Variants in AACS observed in about 807,000 individuals in gnomAD.
AACS encodes the protein acetoacetate-CoA ligase.
A neutral mutation model predicts 83.1 loss-of-function variants in AACS; 69 were observed. The observed-to-expected ratio is 0.83, with a 90% confidence interval of 0.68 to 1.01. The LOEUF is 1.01. Ranked by LOEUF, AACS falls within the 50% of genes least tolerant of loss-of-function variation. The probability of loss-of-function intolerance (pLI) is 0.00; values close to 1 mark genes in which losing one functional copy is unlikely to be tolerated. For missense variants in AACS, 866 were observed against 882.2 expected (o/e 0.98, Z 0.23); for synonymous variants, 333 against 343.4 (o/e 0.97, Z 0.33).
At chr12:125,077,277 A>G (rs973304563) in intron 3 of AACS, among the ~76,000 whole-genome samples, 1 of 151,846 alleles carries the variant, frequency 6.6e-6, no homozygotes. Context: ...TTGGGAGGCC[A>G]AGGTGGGCGG....
chr12:125,072,927 T>G (rs909911544), intron 1 of AACS, among the ~76,000 whole-genome samples: 51 of 139,248 alleles, frequency 3.7e-4, no homozygotes, highest in South Asian at 3.2e-3. Context: ...TTGTTTTTTT[T>G]TTTTTTTTTT....
At chr12:125,104,735 G>A (rs1956795487) in intron 7 of AACS, among the ~76,000 whole-genome samples, 1 of 152,236 alleles carries the variant, frequency 6.6e-6, no homozygotes, top group African/African-American at 2.4e-5. Flanking sequence ...GTGTGACCCT[G>A]TGCCAGTAAC....
chr12:125,106,020 T>C (rs1956826495), intron 7 of AACS, among the ~76,000 whole-genome samples: 1 of 152,240 alleles, frequency 6.6e-6, no homozygotes, highest in African/African-American at 2.4e-5. Flanking sequence ...TTGGATGCCC[T>C]TTTTAAACCA....
At chr12:125,093,086 A>C (rs568721605) in intron 5 of AACS, among the ~76,000 whole-genome samples, 2 of 152,334 alleles carry the variant, frequency 1.3e-5, no homozygotes, top group East Asian at 3.9e-4. Context: ...AGCCGGGGAC[A>C]GGGTGTGACC....
intron 14 of AACS, among the ~76,000 whole-genome samples, chr12:125,133,352 C>G (rs115425118): frequency 1.3e-5 from 2 of 152,210 alleles, no homozygotes; most frequent in Non-Finnish European, 2.9e-5. Flanking sequence ...CATGGTGCCA[C>G]CCCAGCGTGC....
At chr12:125,126,838 C>T (rs1300572563) in intron 12 of AACS, 1 of 152,116 alleles carries the variant, frequency 6.6e-6, no homozygotes, top group Non-Finnish European at 1.5e-5. Context: ...CCACCTTGGC[C>T]TCCCAAAATG....
intron 3 of AACS, among the ~76,000 whole-genome samples, chr12:125,082,652 C>T (rs748027069): frequency 6.6e-5 from 10 of 152,084 alleles, no homozygotes; most frequent in African/African-American, 1.7e-4. Flanking sequence ...GAAAGCCTGT[C>T]GCTACTAAAA....
intron 14 of AACS, among the ~76,000 whole-genome samples, chr12:125,132,286 C>CTCCTTT (rs1313959564): frequency 6.6e-6 from 1 of 152,226 alleles, no homozygotes; most frequent in Non-Finnish European, 1.5e-5. Context: ...GATTTACATC[C>CTCCTTT]TCCTTTTTCT....
At chr12:125,139,087 C>G (rs1346820256) in intron 17 of AACS, 1 of 152,242 alleles carries the variant, frequency 6.6e-6, no homozygotes, top group Non-Finnish European at 1.5e-5. Context: ...ATCTCTGTCT[C>G]TGTGTGGAGA....
chr12:125,125,211 A>G (rs1010253222), intron 12 of AACS, among the ~76,000 whole-genome samples, 187 bp downstream of exon 12: 11 of 152,238 alleles, frequency 7.2e-5, no homozygotes, highest in African/African-American at 2.7e-4. Context: ...ACCCATACGG[A>G]ACCCTTGCTC....
intron 5 of AACS, among the ~76,000 whole-genome samples, chr12:125,096,258 C>G (rs1460883094): frequency 6.6e-6 from 1 of 152,242 alleles, no homozygotes; most frequent in Non-Finnish European, 1.5e-5. Context: ...TATTGCCCCT[C>G]TCTTAAGGCT....
chr12:125,067,830 G>T (rs750700665), intron 1 of AACS, among the ~76,000 whole-genome samples: 1 of 152,146 alleles, frequency 6.6e-6, no homozygotes, highest in Non-Finnish European at 1.5e-5. Flanking sequence ...CACCGTGCTC[G>T]GCCGACTACC....
chr12:125,119,431 G>C (rs1170807941), intron 10 of AACS, among the ~76,000 whole-genome samples: 4 of 152,194 alleles, frequency 2.6e-5, no homozygotes, highest in Non-Finnish European at 5.9e-5. Context: ...CTGCTATGAA[G>C]AAATGTCTAA....
chr12:125,103,537 GTGTA>G (rs35089687), intron 7 of AACS, among the ~76,000 whole-genome samples: 44,567 of 152,010 alleles, frequency 0.29, 8,063 homozygotes, highest in East Asian at 0.42. Context: ...ATGTGTACAT[GTGTA>G]TGTATGGCTA....
intron 4 of AACS, among the ~76,000 whole-genome samples, chr12:125,087,170 G>C (rs1479913181): frequency 1.3e-5 from 2 of 152,156 alleles, no homozygotes; most frequent in Non-Finnish European, 2.9e-5. Flanking sequence ...TTCCCGCCTT[G>C]AGCCATAAAG....
intron 3 of AACS, among the ~76,000 whole-genome samples, chr12:125,079,945 T>G (rs553873782): frequency 6.6e-6 from 1 of 152,342 alleles, no homozygotes; most frequent in South Asian, 2.1e-4. Context: ...TATAATTGGA[T>G]CATACGATAT....
chr12:125,066,456 T>TA (rs1194410606), intron 1 of AACS, among the ~76,000 whole-genome samples: 1 of 147,004 alleles, frequency 6.8e-6, no homozygotes, highest in East Asian at 2.0e-4. Flanking sequence ...GGGGATTTTT[T>TA]TTTTTTTTTT....
rs1956335009 is a variant in AACS at position 125,086,183 on chromosome 12, A to C, written c.359-147A>C. 1.4e-5 allele frequency: 9 copies of C among 653,882 alleles called. 1 individual carries two copies. The South Asian group carries it at 1.7e-4, about 12-fold the overall frequency. The allele number at this position is 653,882 out of a possible 1,614,324, so 40.5% of individuals were successfully genotyped here. ...TCTGTGTGAGGTTAAGTTGACCTGT[A>C]TCTTGCTTGTGTTCCCTGCGTCTGT... is the stretch of plus-strand genomic sequence containing the variant. On this transcript the variant is annotated intron_variant, in intron 3 of 17. Coordinates refer to ENST00000316519, the MANE Select transcript of AACS (RefSeq NM_023928.5).
At chr12:125,076,408 G>A in intron 2 of AACS, 83 bp from the exon 3 acceptor site, 1 of 1,553,628 alleles carries the variant, frequency 6.4e-7, no homozygotes, top group Non-Finnish European at 8.7e-7. Context: ...CACTTTTGCT[G>A]ATTTGTGACA....
Sources: allele counts gnomAD v4.1 joint callset (sites outside exome capture counted in the v4.1 genomes callset), GRCh38; gene constraint gnomAD v4.1.1; transcripts MANE v1.5; gene names NCBI Gene and HGNC (gene_info 2026-07-23, HGNC 2026-07-21).